Variants in KIF13B observed in about 807,000 individuals in gnomAD.
The protein encoded by KIF13B is kinesin family member 13B.
A neutral mutation model predicts 222.0 loss-of-function variants in KIF13B; 127 were observed. That is an observed-to-expected ratio of 0.57 (90% CI 0.50 to 0.66). The LOEUF (loss-of-function observed/expected upper bound fraction) is 0.66. Ranked by LOEUF, KIF13B falls within the 30% of genes least tolerant of loss-of-function variation. KIF13B has a pLI of 0.00. For missense variants in KIF13B, 2,173 were observed against 2,379.0 expected (o/e 0.91, Z 1.80); for synonymous variants, 976 against 919.0 (o/e 1.06, Z -1.12).
intron 3 of KIF13B, among the ~76,000 whole-genome samples, chr8:29,192,535 C>T (rs1228278830): frequency 6.6e-6 from 1 of 152,140 alleles, no homozygotes. Flanking sequence ...CAGCTGTGAG[C>T]CACCATGCCC....
chr8:29,238,935 G>A (rs1815634693), intron 2 of KIF13B, among the ~76,000 whole-genome samples: 1 of 152,216 alleles, frequency 6.6e-6, no homozygotes, highest in Non-Finnish European at 1.5e-5. Flanking sequence ...CTACTCAGGA[G>A]GCTGAGATGG....
intron 2 of KIF13B, among the ~76,000 whole-genome samples, chr8:29,244,413 C>A (rs749545831): frequency 2.0e-5 from 3 of 148,292 alleles, no homozygotes; most frequent in Non-Finnish European, 4.4e-5. Context: ...CTACTTTGCA[C>A]AAAGCCTCAT....
chr8:29,192,535 C>A (rs1228278830), intron 3 of KIF13B, among the ~76,000 whole-genome samples: 1 of 152,140 alleles, frequency 6.6e-6, no homozygotes, highest in Admixed American at 6.5e-5. Context: ...CAGCTGTGAG[C>A]CACCATGCCC....
At chr8:29,126,544 T>C in intron 25 of KIF13B, 33 bp from the exon 26 acceptor site, 1 of 1,266,194 alleles carries the variant, frequency 7.9e-7, no homozygotes, top group Non-Finnish European at 1.1e-6. Context: ...AAGAACTGAA[T>C]TATTGATTTA....
rs539063338 is a variant in KIF13B, at chr8:29,072,560, G to A, written c.4522-244C>T. 3.9e-5 allele frequency among the ~76,000 whole-genome samples: 6 copies of A among 152,318 alleles called. No individual in the cohort carries two copies. In the East Asian group the frequency reaches 9.7e-4, roughly 25 times the overall value. On this transcript the variant is annotated intron_variant, in intron 38 of 39. Coordinates refer to ENST00000524189, the MANE Select transcript of KIF13B (RefSeq NM_015254.4). ...AAAGAACATGGCTGGGACCCGGCCA[G>A]GCCCTGGTTCCCACACTGGTTCTGC...
chr8:29,234,292 G>A (rs993944984), intron 2 of KIF13B, among the ~76,000 whole-genome samples: 1 of 151,868 alleles, frequency 6.6e-6, no homozygotes, highest in Non-Finnish European at 1.5e-5. Flanking sequence ...ATGAATGGAT[G>A]GGCAAAATGT....
chr8:29,150,465 A>G, intron 14 of KIF13B, 82 bp from the exon 15 acceptor site: 2 of 673,160 alleles, frequency 3.0e-6, no homozygotes, highest in South Asian at 1.8e-5. Flanking sequence ...ATAGAGATAT[A>G]GTTACTAGGG....
At chr8:29,195,401 C>T (rs183784127) in intron 3 of KIF13B, among the ~76,000 whole-genome samples, 1 of 152,188 alleles carries the variant, frequency 6.6e-6, no homozygotes, top group African/African-American at 2.4e-5. Flanking sequence ...GTTTGTCATT[C>T]AGTCCCTGTG....
At chr8:29,244,638 T>A (rs182773000) in intron 2 of KIF13B, among the ~76,000 whole-genome samples, 2 of 152,342 alleles carry the variant, frequency 1.3e-5, no homozygotes, top group African/African-American at 4.8e-5. Flanking sequence ...AACTTCCTCA[T>A]CTGCTTTCCA....
At chr8:29,081,160 A>C (rs939417241) in intron 37 of KIF13B, among the ~76,000 whole-genome samples, 1 of 152,148 alleles carries the variant, frequency 6.6e-6, no homozygotes, top group Admixed American at 6.5e-5. Flanking sequence ...GGTTACTCTT[A>C]ATCACTGTCA....
rs141628168 is a variant in KIF13B, at chr8:29,077,341, C to G, written c.4459-1998G>C. Among the ~76,000 whole-genome samples the G allele has an allele frequency of 3.1e-3, 468 of 152,346 alleles. 3 individuals are homozygous for G. Among genetic ancestry groups the G allele is most frequent in the Non-Finnish European group, 4.1e-3 (282 of 68,032 alleles). Reference sequence around the variant, plus strand: ...GAGAAGAAAGTGAGGCTCAAGCACGCGTCCCACACTGCCACGCAGTCCTCG... The same window carrying G: ...GAGAAGAAAGTGAGGCTCAAGCACGGGTCCCACACTGCCACGCAGTCCTCG... On this transcript the variant is annotated intron_variant, in intron 37 of 39. Transcript: ENST00000524189.
chr8:29,125,292 C>T (rs965824278), intron 26 of KIF13B, among the ~76,000 whole-genome samples: 2 of 152,130 alleles, frequency 1.3e-5, no homozygotes, highest in African/African-American at 4.8e-5. Flanking sequence ...ATCAATCTTA[C>T]CTCATTTCCT....
chr8:29,201,254 T>C (rs1269477755), intron 2 of KIF13B, among the ~76,000 whole-genome samples: 5 of 152,170 alleles, frequency 3.3e-5, no homozygotes, highest in African/African-American at 7.2e-5. Context: ...CAACAAACAA[T>C]ATGGCTGCAT....
chr8:29,087,021 A>G (rs1388025041), intron 37 of KIF13B, among the ~76,000 whole-genome samples: 2 of 152,258 alleles, frequency 1.3e-5, no homozygotes, highest in Non-Finnish European at 2.9e-5. Context: ...GCAGAGCCGT[A>G]GCCACGCCAG....
intron 35 of KIF13B, among the ~76,000 whole-genome samples, chr8:29,101,513 C>T (rs373706132): frequency 1.3e-5 from 2 of 152,126 alleles, no homozygotes; most frequent in East Asian, 1.9e-4. Context: ...ACCCAGGCCC[C>T]GATGGCTTCA....
intron 1 of KIF13B, among the ~76,000 whole-genome samples, chr8:29,250,903 A>C (rs1459702894): frequency 6.6e-6 from 1 of 152,222 alleles, no homozygotes; most frequent in Non-Finnish European, 1.5e-5. Flanking sequence ...AATATGACAC[A>C]CTCGCCACTG....
intron 2 of KIF13B, among the ~76,000 whole-genome samples, chr8:29,229,088 T>TAAAAAAAA (rs370080449): frequency 2.1e-5 from 2 of 94,690 alleles, no homozygotes; most frequent in Non-Finnish European, 3.9e-5. Context: ...ATGTCAGCTT[T>TAAAAAAAA]AAAAAAAAAA....
At chr8:29,257,690 C>A (rs1816536217) in intron 1 of KIF13B, among the ~76,000 whole-genome samples, 1 of 151,984 alleles carries the variant, frequency 6.6e-6, no homozygotes, top group Non-Finnish European at 1.5e-5. Flanking sequence ...ACCTATGTAC[C>A]AACTCCACAG....
chr8:29,090,884 T>TG (rs1475065456), intron 37 of KIF13B, among the ~76,000 whole-genome samples: 1 of 152,080 alleles, frequency 6.6e-6, no homozygotes, highest in African/African-American at 2.4e-5. Context: ...GGAGCACGCC[T>TG]GGCTAATTTT....
Sources: allele counts gnomAD v4.1 joint callset (sites outside exome capture counted in the v4.1 genomes callset), GRCh38; gene constraint gnomAD v4.1.1; transcripts MANE v1.5; gene names NCBI Gene and HGNC (gene_info 2026-07-23, HGNC 2026-07-21).